ADCY2: variants seen among roughly 807,000 people sequenced by gnomAD.
ADCY2 encodes the protein adenylate cyclase 2.
In ADCY2, 31 loss-of-function variants were observed where a neutral mutation model predicts 125.2. The ratio of observed to expected loss-of-function variants is 0.25; its 90% CI spans 0.19 to 0.33. ADCY2 has a LOEUF of 0.33. Ranked by LOEUF, ADCY2 falls within the 10% of genes least tolerant of loss-of-function variation. The probability of loss-of-function intolerance (pLI) is 1.00; values close to 1 mark genes in which losing one functional copy is unlikely to be tolerated. For missense variants in ADCY2, 904 were observed against 1,418.2 expected (o/e 0.64, Z 5.82); for synonymous variants, 512 against 548.4 (o/e 0.93, Z 0.93).
chr5:7,413,746 C>T (rs1401428185), intron 1 of ADCY2, among the ~76,000 whole-genome samples: 2 of 152,132 alleles, frequency 1.3e-5, no homozygotes, highest in Non-Finnish European at 2.9e-5. Context: ...AAGCTAAAGC[C>T]TAAGCCCAGG....
At chr5:7,737,361 T>C (rs12189243) in intron 14 of ADCY2, among the ~76,000 whole-genome samples, 49,858 of 152,110 alleles carry the variant, frequency 0.33, 9,964 homozygotes, top group Non-Finnish European at 0.45. Flanking sequence ...TTCTTGCAGA[T>C]GCTAGAACCA....
intron 18 of ADCY2, among the ~76,000 whole-genome samples, chr5:7,779,025 T>C (rs1191634143): frequency 2.0e-5 from 3 of 152,240 alleles, no homozygotes; most frequent in African/African-American, 4.8e-5. Context: ...CATCTCAGCT[T>C]TCCCCACTCT....
intron 3 of ADCY2, among the ~76,000 whole-genome samples, chr5:7,580,362 A>G (rs1207155779): frequency 6.6e-6 from 1 of 152,208 alleles, no homozygotes; most frequent in Non-Finnish European, 1.5e-5. Context: ...ACAGTGAACC[A>G]TAAGACATAA....
chr5:7,630,632 T>A (rs1738282563), intron 4 of ADCY2, among the ~76,000 whole-genome samples: 1 of 152,126 alleles, frequency 6.6e-6, no homozygotes, highest in Non-Finnish European at 1.5e-5. Context: ...GGGCTGTTTT[T>A]TTCTGGAGAT....
chr5:7,772,504 A>G (rs1441480696), intron 17 of ADCY2, among the ~76,000 whole-genome samples: 1 of 152,200 alleles, frequency 6.6e-6, no homozygotes, highest in Non-Finnish European at 1.5e-5. Flanking sequence ...ATCTGTAATG[A>G]TTTATATTCT....
chr5:7,471,512 C>T (rs1050130738), intron 2 of ADCY2, among the ~76,000 whole-genome samples: 2 of 151,844 alleles, frequency 1.3e-5, no homozygotes, highest in Non-Finnish European at 1.5e-5. Context: ...CCAATTTGTC[C>T]CTCCCATTTT....
intron 3 of ADCY2, among the ~76,000 whole-genome samples, chr5:7,586,765 T>C (rs1736641258): frequency 1.3e-5 from 2 of 152,064 alleles, no homozygotes; most frequent in Non-Finnish European, 2.9e-5. Context: ...AGGTGAGCGT[T>C]GGGGAGTCCT....
At chr5:7,770,164 T>C (rs1455886302) in intron 17 of ADCY2, among the ~76,000 whole-genome samples, 1 of 152,246 alleles carries the variant, frequency 6.6e-6, no homozygotes, top group Admixed American at 6.5e-5. Context: ...CCCATTACCA[T>C]ACATATTTTA....
intron 2 of ADCY2, among the ~76,000 whole-genome samples, chr5:7,446,921 G>A (rs568807901): frequency 2.6e-5 from 4 of 152,116 alleles, no homozygotes; most frequent in African/African-American, 9.6e-5. Flanking sequence ...TAGGACTATT[G>A]GCTTCCTGCT....
At chr5:7,609,650 A>T (rs571357040) in intron 3 of ADCY2, among the ~76,000 whole-genome samples, 1 of 152,376 alleles carries the variant, frequency 6.6e-6, no homozygotes, top group African/African-American at 2.4e-5. Flanking sequence ...ATAGAGCAGA[A>T]CATGAAAGAC....
In ADCY2 at chr5:7,502,918, G is replaced by A. The variant is rs560161803; in HGVS notation, c.409-17820G>A. On this transcript the variant is annotated intron_variant, in intron 2 of 24. Coordinates refer to ENST00000338316, the MANE Select transcript of ADCY2 (RefSeq NM_020546.3). ...CTAGAAAGTTCTTCCTGAGGCAGTT[G>A]TATTGATATGGTATTGATATGATAA... Among the ~76,000 whole-genome samples the A allele has an allele frequency of 2.6e-5, 4 of 152,244 alleles. No individual in the cohort carries two copies. In the South Asian group the frequency reaches 8.3e-4, roughly 32 times the overall value.
intron 19 of ADCY2, among the ~76,000 whole-genome samples, chr5:7,785,728 A>G (rs1222605822): frequency 6.6e-6 from 1 of 152,238 alleles, no homozygotes; most frequent in Non-Finnish European, 1.5e-5. Context: ...AAAACAATGC[A>G]GCCATCCCCT....
intron 22 of ADCY2, among the ~76,000 whole-genome samples, chr5:7,815,550 C>T (rs1451022352): frequency 6.6e-6 from 1 of 152,096 alleles, no homozygotes; most frequent in East Asian, 1.9e-4. Flanking sequence ...TACGCATATA[C>T]TAATAATGTA....
intron 15 of ADCY2, chr5:7,746,312 C>T (rs577438829): frequency 3.9e-5 from 6 of 152,416 alleles, no homozygotes; most frequent in East Asian, 1.9e-4. Flanking sequence ...AATGAGGCTC[C>T]CTCTAGTGGC....
intron 4 of ADCY2, among the ~76,000 whole-genome samples, chr5:7,666,537 G>T (rs544418163): frequency 8.5e-5 from 13 of 152,354 alleles, no homozygotes; most frequent in Admixed American, 3.3e-4. Context: ...CAAAGTGCTG[G>T]GTTTACAGGC....
At chr5:7,465,069 C>G (rs1170195299) in intron 2 of ADCY2, among the ~76,000 whole-genome samples, 3 of 152,152 alleles carry the variant, frequency 2.0e-5, no homozygotes, top group African/African-American at 4.8e-5. Context: ...GACTTACTCA[C>G]TACTATGAGA....
chr5:7,628,155 T>C (rs946129778), intron 4 of ADCY2, among the ~76,000 whole-genome samples: 11 of 152,192 alleles, frequency 7.2e-5, no homozygotes, highest in Non-Finnish European at 1.2e-4. Context: ...GGTCCTGCTG[T>C]AGTGCATGCT....
At chr5:7,633,068 A>G (rs1738372872) in intron 4 of ADCY2, among the ~76,000 whole-genome samples, 1 of 152,050 alleles carries the variant, frequency 6.6e-6, no homozygotes, top group African/African-American at 2.4e-5. Context: ...AAAGAATATA[A>G]ATGCAGGCCA....
At chr5:7,764,322 G>A (rs189507937) in intron 16 of ADCY2, among the ~76,000 whole-genome samples, 189 of 152,258 alleles carry the variant, frequency 1.2e-3, no homozygotes, top group Middle Eastern at 3.4e-3. Flanking sequence ...GACATTTTGA[G>A]AATGTTGTCA....
Sources: allele counts gnomAD v4.1 joint callset (sites outside exome capture counted in the v4.1 genomes callset), GRCh38; gene constraint gnomAD v4.1.1; transcripts MANE v1.5; gene names NCBI Gene and HGNC (gene_info 2026-07-23, HGNC 2026-07-21).